Variants in KCNMB2 observed in about 807,000 individuals in gnomAD.
The protein encoded by KCNMB2 is calcium-activated potassium channel subunit beta-2.
A neutral mutation model predicts 24.5 loss-of-function variants in KCNMB2; 9 were observed. The ratio of observed to expected loss-of-function variants is 0.37; its 90% CI spans 0.22 to 0.64. The LOEUF is 0.64. KCNMB2 is among the 30% of genes least tolerant of loss of function. The pLI is 0.63. For synonymous variants in KCNMB2, 109 were observed against 104.4 expected (o/e 1.04, Z -0.27); for missense variants, 226 against 284.3 (o/e 0.79, Z 1.47).
intron 1 of KCNMB2, among the ~76,000 whole-genome samples, chr3:178,734,878 C>T (rs1159096242): frequency 3.3e-5 from 5 of 152,210 alleles, no homozygotes; most frequent in Non-Finnish European, 7.4e-5. Flanking sequence ...CTCTCACTAA[C>T]GTTCATATTC....
intron 1 of KCNMB2, among the ~76,000 whole-genome samples, chr3:178,677,095 T>C (rs1163853322): frequency 1.3e-5 from 2 of 152,262 alleles, no homozygotes; most frequent in East Asian, 3.9e-4. Context: ...AGCAAAGTCT[T>C]CTTCAGCCCA....
intron 1 of KCNMB2, among the ~76,000 whole-genome samples, chr3:178,586,732 A>G (rs535832108): frequency 6.6e-6 from 1 of 151,220 alleles, no homozygotes; most frequent in South Asian, 2.1e-4. Flanking sequence ...TTTAGTAGAG[A>G]CAGGGTTTCA....
chr3:178,596,725 C>T (rs911301124), intron 1 of KCNMB2, among the ~76,000 whole-genome samples: 3 of 152,076 alleles, frequency 2.0e-5, no homozygotes, highest in African/African-American at 4.8e-5. Context: ...TTGCCAAACC[C>T]TGATACAATT....
chr3:178,538,279 G>C (rs1715474582), intron 1 of KCNMB2, among the ~76,000 whole-genome samples: 1 of 152,152 alleles, frequency 6.6e-6, no homozygotes, highest in South Asian at 2.1e-4. Flanking sequence ...GGAATTCTTG[G>C]TGCATTTGAT....
At chr3:178,562,058 T>C (rs1375224550) in intron 1 of KCNMB2, among the ~76,000 whole-genome samples, 1 of 152,242 alleles carries the variant, frequency 6.6e-6, no homozygotes, top group Non-Finnish European at 1.5e-5. Context: ...ATACAGTTTC[T>C]AGTAATATTG....
intron 1 of KCNMB2, among the ~76,000 whole-genome samples, chr3:178,550,313 A>C (rs9290651): frequency 0.97 from 146,964 of 151,096 alleles, 71,477 homozygotes; most frequent in Middle Eastern, 1. Context: ...AAAAAATTAG[A>C]CGGGCATGGT....
At position 178,783,832 on chromosome 3, in the gene KCNMB2, G is replaced by A. The variant is rs751377560; in HGVS notation, c.-67-23511G>A. ...TGGCCAGAACTTCCAACACTATGTC[G>A]AATAGGAGTGGTGAGAGAGGGCATC... On this transcript the variant is annotated intron_variant, in intron 1 of 4. Transcript: ENST00000452583. Among the ~76,000 whole-genome samples the A allele has an allele frequency of 8.1e-4, 124 of 152,204 alleles. 1 individual carries two copies. Among genetic ancestry groups the A allele is most frequent in the Non-Finnish European group, 1.6e-3 (110 of 68,006 alleles).
At chr3:178,656,726 C>A (rs538721953) in intron 1 of KCNMB2, among the ~76,000 whole-genome samples, 3 of 152,032 alleles carry the variant, frequency 2.0e-5, no homozygotes, top group African/African-American at 7.2e-5. Context: ...GAGCCGAGAT[C>A]GCGCCACTGC....
chr3:178,650,706 C>T (rs539083658), intron 1 of KCNMB2, among the ~76,000 whole-genome samples: 1 of 152,214 alleles, frequency 6.6e-6, no homozygotes, highest in Non-Finnish European at 1.5e-5. Flanking sequence ...AAAAGAATAT[C>T]CACCGTGATC....
intron 1 of KCNMB2, among the ~76,000 whole-genome samples, chr3:178,576,382 AG>A (rs1337019708): frequency 3.9e-5 from 6 of 152,120 alleles, no homozygotes; most frequent in African/African-American, 1.4e-4. Context: ...CTATACCACC[AG>A]GGACCGGGGT....
At chr3:178,609,801 T>C (rs932090559) in intron 1 of KCNMB2, among the ~76,000 whole-genome samples, 4 of 152,002 alleles carry the variant, frequency 2.6e-5, no homozygotes, top group East Asian at 3.9e-4. Context: ...CATGCCCAGC[T>C]AATTTTCATA....
chr3:178,607,105 G>A (rs765106755), intron 1 of KCNMB2, among the ~76,000 whole-genome samples: 1 of 152,166 alleles, frequency 6.6e-6, no homozygotes, highest in Non-Finnish European at 1.5e-5. Context: ...CAGGTCCAAG[G>A]TCAGATTTAG....
chr3:178,751,067 A>C (rs1424823123), intron 1 of KCNMB2, among the ~76,000 whole-genome samples: 1 of 151,624 alleles, frequency 6.6e-6, no homozygotes, highest in Non-Finnish European at 1.5e-5. Context: ...ACATAACTAA[A>C]TAGTTTGCAT....
chr3:178,723,906 T>C (rs950077816), intron 1 of KCNMB2, among the ~76,000 whole-genome samples: 1 of 152,202 alleles, frequency 6.6e-6, no homozygotes, highest in Non-Finnish European at 1.5e-5. Context: ...CTAGGTTGAA[T>C]CTATGTCTTT....
At chr3:178,814,597 A>C (rs1278408115) in intron 2 of KCNMB2, among the ~76,000 whole-genome samples, 4 of 152,192 alleles carry the variant, frequency 2.6e-5, no homozygotes, top group Admixed American at 2.6e-4. Flanking sequence ...CATTTCCACC[A>C]ATAGTGCCTA....
intron 4 of KCNMB2, among the ~76,000 whole-genome samples, chr3:178,841,368 G>A (rs542788317): frequency 6.6e-6 from 1 of 152,228 alleles, no homozygotes; most frequent in African/African-American, 2.4e-5. Flanking sequence ...GCTCCAAACT[G>A]TTCCAACTTC....
chr3:178,623,163 A>G (rs191919649), intron 1 of KCNMB2, among the ~76,000 whole-genome samples: 2 of 152,332 alleles, frequency 1.3e-5, no homozygotes, highest in East Asian at 3.9e-4. Flanking sequence ...GTGTGGGGCT[A>G]TTCTGTGTCT....
intron 2 of KCNMB2, among the ~76,000 whole-genome samples, chr3:178,810,697 A>G (rs980149994): frequency 6.6e-6 from 1 of 152,102 alleles, no homozygotes; most frequent in Non-Finnish European, 1.5e-5. Flanking sequence ...TTCTCTAAAC[A>G]AACTTCTTTG....
intron 1 of KCNMB2, among the ~76,000 whole-genome samples, chr3:178,601,459 T>C (rs1237757702): frequency 1.3e-5 from 2 of 152,212 alleles, no homozygotes; most frequent in Non-Finnish European, 2.9e-5. Context: ...TGAGGGGTTT[T>C]TCAGTTGTAC....
Sources: allele counts gnomAD v4.1 joint callset (sites outside exome capture counted in the v4.1 genomes callset), GRCh38; gene constraint gnomAD v4.1.1; transcripts MANE v1.5; gene names NCBI Gene and HGNC (gene_info 2026-07-23, HGNC 2026-07-21).